The following TMED5 variants were observed in gnomAD, a reference collection of about 807,000 sequenced individuals.
The protein encoded by TMED5 is transmembrane p24 trafficking protein 5.
TMED5 carries 27 observed loss-of-function variants against 23.0 expected under a neutral mutation model. That is an observed-to-expected ratio of 1.17 (90% confidence interval 0.86 to 1.62). TMED5 has a LOEUF of 1.62. TMED5 is among the 40% of genes most tolerant of loss of function. The pLI, the probability that TMED5 is intolerant of heterozygous loss-of-function variation, is 0.00. For missense variants in TMED5, 248 were observed against 273.7 expected (o/e 0.91, Z 0.66); for synonymous variants, 97 against 100.8 (o/e 0.96, Z 0.23).
At chr1:93,170,359 G>T (rs375399256) in intron 1 of TMED5, among the ~76,000 whole-genome samples, 1 of 152,214 alleles carries the variant, frequency 6.6e-6, no homozygotes, top group African/African-American at 2.4e-5. Flanking sequence ...CCCGCACTGG[G>T]AGCGGCCGGC....
intron 2 of TMED5, among the ~76,000 whole-genome samples, chr1:93,157,210 C>T (rs761125652): frequency 6.6e-6 from 1 of 152,088 alleles, no homozygotes; most frequent in Non-Finnish European, 1.5e-5. Flanking sequence ...TTCTTCCAGG[C>T]CTCTTACTGA....
intron 1 of TMED5, among the ~76,000 whole-genome samples, chr1:93,169,882 TACACACACACACACAC>T (rs59467244): frequency 6.9e-5 from 9 of 130,602 alleles, no homozygotes; most frequent in South Asian, 2.8e-4. Flanking sequence ...ACCCTGTCTG[TACACACACACACACAC>T]ACACACACAC....
At chr1:93,159,393 A>G (rs1002467071) in intron 2 of TMED5, among the ~76,000 whole-genome samples, 4 of 152,168 alleles carry the variant, frequency 2.6e-5, no homozygotes, top group African/African-American at 9.7e-5. Context: ...TTTATAGCAA[A>G]TACTAGATAC....
chr1:93,158,367 A>G (rs1648148975), intron 2 of TMED5, among the ~76,000 whole-genome samples: 1 of 152,204 alleles, frequency 6.6e-6, no homozygotes, highest in African/African-American at 2.4e-5. Context: ...AAAAGAATGC[A>G]ATAAATGTGA....
chr1:93,169,920 A>AC (rs1553159711), intron 1 of TMED5, among the ~76,000 whole-genome samples: 4 of 39,236 alleles, frequency 1.0e-4, no homozygotes, highest in African/African-American at 1.5e-4. Context: ...CACACACACA[A>AC]AATTAGGCAG....
chr1:93,151,591 C>G lies in TMED5; in HGVS notation c.*3079G>C. 6.6e-6 allele frequency: 1 copy of G among 152,038 alleles called. No homozygotes were observed. Among genetic ancestry groups the G allele is most frequent in the East Asian group, 1.9e-4 (1 of 5,182 alleles). The allele number at this position is 152,038 out of a possible 1,614,324, so 9.4% of individuals were successfully genotyped here. A position where few individuals can be genotyped will look rare whatever the true frequency, so the allele number is the denominator to read the frequency against. ...GTTCCCTGGGTGCTTATTTAGCATA[C>G]CAAACTTTAAGAACTGATTATCTTT... On this transcript the variant is annotated 3_prime_UTR_variant, in exon 4 of 4. Coordinates refer to ENST00000370282, the MANE Select transcript of TMED5 (RefSeq NM_016040.5).
intron 2 of TMED5, 38 bp downstream of exon 2, chr1:93,160,091 T>C (rs377402639): frequency 7.8e-7 from 1 of 1,277,466 alleles, no homozygotes; most frequent in African/African-American, 1.5e-5. Flanking sequence ...CCACTGGTAT[T>C]ATTCAGCAAT....
rs941405662 is a variant in TMED5, at chr1:93,152,846, C to T, written c.*1824G>A. 6 of 152,536 alleles carry T rather than the reference C, an allele frequency of 3.9e-5. No homozygotes were observed. The South Asian group carries it at 1.2e-3, about 32-fold the overall frequency. The allele number at this position is 152,536 out of a possible 1,614,324, so 9.4% of individuals were successfully genotyped here. The stretch of plus-strand genomic sequence containing the variant: ...GGCAAGGATCTTATTGACCTTTGTT[C>T]TGCAAGTGTTGCAGAGGATACCCCT... On this transcript the variant is annotated 3_prime_UTR_variant, in exon 4 of 4. Coordinates refer to ENST00000370282, the MANE Select transcript of TMED5 (RefSeq NM_016040.5).
Position 93,153,414 on chromosome 1 carries a change from C to A in TMED5, c.*1256G>T, listed in dbSNP as rs1647946648. ...TTTTAATAAATATGTACACCCAGTG[C>A]TAAACCTTACAGTAGGGCTTACATT... On this transcript the variant is annotated 3_prime_UTR_variant, in exon 4 of 4. Coordinates refer to ENST00000370282, the MANE Select transcript of TMED5 (RefSeq NM_016040.5). The A allele has an allele frequency of 6.6e-6, 1 of 152,096 alleles. No homozygotes were observed. The highest frequency in any genetic ancestry group is 6.5e-5 in the Admixed American group (1 of 15,274). The allele number at this position is 152,096 out of a possible 1,614,324, so 9.4% of individuals were successfully genotyped here.
Position 93,167,624 on chromosome 1 carries a change from ATTTG to A in TMED5, c.190-7402_190-7399del, listed in dbSNP as rs200424191. Among the ~76,000 whole-genome samples the A allele has an allele frequency of 4.8e-3, 727 of 152,272 alleles. 8 individuals are homozygous for A. The highest frequency in any genetic ancestry group is 0.017 in the African/African-American group (690 of 41,550). On this transcript the variant is annotated intron_variant, in intron 1 of 3. Coordinates refer to ENST00000370282, the MANE Select transcript of TMED5 (RefSeq NM_016040.5). The stretch of plus-strand genomic sequence containing the variant: ...ATTTTATATCCTGCAACTTCACTAT[ATTTG>A]TTTATCAGTTCTAATAGCTTTTTTT...
At position 93,149,976 on chromosome 1, in the gene TMED5, T is replaced by C. The variant is rs976448654; in HGVS notation, c.*4694A>G. On this transcript the variant is annotated 3_prime_UTR_variant, in exon 4 of 4. Transcript: ENST00000370282. ...GACCAGCCTGGGCAACATGGCGAAA[T>C]TAATTAGTCAGAAATATGTATATAC... is the stretch of plus-strand genomic sequence containing the variant. The C allele has an allele frequency of 2.0e-5, 3 of 152,012 alleles. No homozygotes were observed. Among genetic ancestry groups the C allele is most frequent in the Non-Finnish European group, 4.4e-5 (3 of 68,034 alleles). 9.4% of individuals were successfully genotyped at this position (152,012 alleles called of 1,614,324 possible).
At chr1:93,175,786 G>A (rs1051187278) in intron 1 of TMED5, among the ~76,000 whole-genome samples, 5 of 152,126 alleles carry the variant, frequency 3.3e-5, no homozygotes, top group African/African-American at 9.7e-5. Context: ...TTTGGTAAAC[G>A]TCTGGTTCAC....
At position 93,170,154 on chromosome 1, in the gene TMED5, G is replaced by A. The variant is rs549583372; in HGVS notation, c.189+9900C>T. 7.2e-5 allele frequency among the ~76,000 whole-genome samples: 11 copies of A among 152,334 alleles called. No homozygotes were observed. The South Asian group carries it at 2.3e-3, about 32-fold the overall frequency. On this transcript the variant is annotated intron_variant, in intron 1 of 3. Coordinates refer to ENST00000370282, the MANE Select transcript of TMED5 (RefSeq NM_016040.5). Reference sequence around the variant, plus strand: ...CTCTCAGCGCCTCCTTGGCCTTGGCGCCCACTCTGGCCACGCCTGAGGAGC... The same window carrying A: ...CTCTCAGCGCCTCCTTGGCCTTGGCACCCACTCTGGCCACGCCTGAGGAGC...
chr1:93,163,018 A>G (rs996381659), intron 1 of TMED5: 2 of 152,136 alleles, frequency 1.3e-5, no homozygotes, highest in African/African-American at 4.8e-5. Context: ...GTAGTGTTCT[A>G]TGAAAGTGCC....
chr1:93,166,501 T>C (rs1289634690), intron 1 of TMED5, among the ~76,000 whole-genome samples: 1 of 152,240 alleles, frequency 6.6e-6, no homozygotes, highest in African/African-American at 2.4e-5. Flanking sequence ...GATTCACATT[T>C]CTCTGATGAT....
At position 93,154,855 on chromosome 1, in the gene TMED5, T is replaced by A. The variant is rs1226802304; in HGVS notation, c.505A>T (p.Lys169Ter). The change falls in exon 4 of 4, where the codon AAA becomes TAA. Residue 169 changes from lysine (K) to a stop codon, truncating the protein, a stop_gained. Coordinates refer to ENST00000370282, the MANE Select transcript of TMED5 (RefSeq NM_016040.5). LOFTEE classifies it high-confidence loss of function. ...SINSIKSRLS[K>*]SGHIQTLLRA... ...AGCAGAGTTTGTATGTGCCCACTTT[T>A]GCTTAGTCTGGACTTGATGCTGTTG... The A allele has an allele frequency of 6.2e-7, 1 of 1,613,794 alleles. No homozygotes were observed. Among genetic ancestry groups the A allele is most frequent in the South Asian group, 1.1e-5 (1 of 91,068 alleles).
At chr1:93,169,473 A>C (rs1171890961) in intron 1 of TMED5, among the ~76,000 whole-genome samples, 4 of 152,132 alleles carry the variant, frequency 2.6e-5, no homozygotes, top group African/African-American at 9.7e-5. Context: ...AAGATGTAAA[A>C]TCAATAATGT....
intron 1 of TMED5, among the ~76,000 whole-genome samples, chr1:93,179,170 T>C (rs1649106536): frequency 6.6e-6 from 1 of 152,154 alleles, no homozygotes; most frequent in African/African-American, 2.4e-5. Flanking sequence ...GAGACCAGCC[T>C]GGCCAACATG....
chr1:93,178,485 A>G (rs1178501274), intron 1 of TMED5, among the ~76,000 whole-genome samples: 1 of 152,082 alleles, frequency 6.6e-6, no homozygotes, highest in East Asian at 1.9e-4. Flanking sequence ...GCCATCCTTT[A>G]TTGAAATTAC....
Sources: gnomAD v4.1 joint callset for allele counts (sites outside exome capture counted in the v4.1 genomes callset) on GRCh38, gnomAD v4.1.1 for gene constraint, MANE v1.5 for transcripts, NCBI Gene and HGNC (gene_info 2026-07-23, HGNC 2026-07-21) for gene names.